The following CCDC93 variants were observed in gnomAD, a reference collection of about 807,000 sequenced individuals.
CCDC93 encodes CCC complex scaffolding subunit CCDC93, also known as coiled-coil domain-containing protein 93.
In CCDC93, 61 loss-of-function variants were observed where a neutral mutation model predicts 108.2. That is an observed-to-expected ratio of 0.56 (90% CI 0.46 to 0.70). The LOEUF (loss-of-function observed/expected upper bound fraction) is 0.70, where lower values mean the gene tolerates loss of function less well. CCDC93 is among the 30% of genes least tolerant of loss of function. The pLI, the probability that CCDC93 is intolerant of heterozygous loss-of-function variation, is 0.00. For missense variants in CCDC93, 685 were observed against 764.2 expected, an observed-to-expected ratio of 0.90 and a Z score of 1.22; for synonymous variants, 276 against 260.4, an observed-to-expected ratio of 1.06 and a Z score of -0.58.
intron 7 of CCDC93, among the ~76,000 whole-genome samples, chr2:117,978,986 T>A (rs1300858998): frequency 1.3e-5 from 2 of 152,136 alleles, no homozygotes; most frequent in African/African-American, 4.8e-5. Flanking sequence ...CCAGCCTGGG[T>A]GACAGAGCAA....
intron 1 of CCDC93, among the ~76,000 whole-genome samples, chr2:118,011,986 C>T (rs1269103603): frequency 1.3e-5 from 2 of 152,228 alleles, no homozygotes; most frequent in Admixed American, 6.5e-5. Context: ...GTTGTTGAAG[C>T]TAAATTTCTG....
At chr2:117,985,206 C>T (rs541027696) in intron 7 of CCDC93, among the ~76,000 whole-genome samples, 1 of 151,568 alleles carries the variant, frequency 6.6e-6, no homozygotes, top group South Asian at 2.1e-4. Context: ...AATAATTAAA[C>T]CTAATTTCCT....
At chr2:117,990,717 A>G (rs1284145724) in intron 6 of CCDC93, among the ~76,000 whole-genome samples, 1 of 152,170 alleles carries the variant, frequency 6.6e-6, no homozygotes, top group Non-Finnish European at 1.5e-5. Context: ...AATGCTATGG[A>G]GGTATCTTTA....
intron 8 of CCDC93, 52 bp from the exon 9 acceptor site, chr2:117,975,332 G>T: frequency 7.7e-7 from 1 of 1,303,364 alleles, no homozygotes; most frequent in Non-Finnish European, 1.1e-6. Context: ...AGACTCAGTA[G>T]AGAAAGGACA....
rs1473961820 is a variant in CCDC93 at position 118,008,848 on chromosome 2, G to T, written c.43-190C>A. ...GGACAGTGTTGTTGGAGTCACAAAT[G>T]GGTCCGCGGTCCTCAACGGGCTGTT... is the stretch of plus-strand genomic sequence containing the variant. On this transcript the variant is annotated intron_variant, in intron 1 of 23. Transcript: ENST00000376300. The T allele has an allele frequency of 7.1e-6, 4 of 564,978 alleles. No homozygotes were observed. In the Admixed American group the frequency reaches 1.3e-4, roughly 19 times the overall value. The allele number at this position is 564,978 out of a possible 1,614,324, so 35.0% of individuals were successfully genotyped here. A position where few individuals can be genotyped will look rare whatever the true frequency, so the allele number is the denominator to read the frequency against.
In CCDC93 at chr2:117,958,373, G is replaced by T; in HGVS notation, c.997C>A (p.Leu333Ile). The T allele has an allele frequency of 6.3e-7, 1 of 1,592,250 alleles. No individual in the cohort carries two copies. Among genetic ancestry groups the T allele is most frequent in the Non-Finnish European group, 8.6e-7 (1 of 1,160,012 alleles). The stretch of plus-strand genomic sequence containing the variant: ...GAAAAGAAAACACTGACCTCTTCAA[G>T]ATGTTTGGTCTTTTGCGCAATCTGT... Reference protein sequence around the residue: ...NKQIAQKTKHLEELRASHTSL... With the variant: ...NKQIAQKTKHIEELRASHTSL... Residue 333 changes from leucine (L) to isoleucine (I), a missense_variant, in exon 12 of 24, where the codon CTT becomes ATT. Leu to Ile is a conservative substitution (Grantham distance 5, BLOSUM62 2). Transcript: ENST00000376300.
chr2:117,984,132 T>G (rs1680243472), intron 7 of CCDC93, among the ~76,000 whole-genome samples: 1 of 151,986 alleles, frequency 6.6e-6, no homozygotes, highest in Non-Finnish European at 1.5e-5. Context: ...ATGTCCTAAG[T>G]ACCCACTACT....
chr2:117,924,387 A>T (rs558422842), intron 23 of CCDC93, among the ~76,000 whole-genome samples: 5 of 152,348 alleles, frequency 3.3e-5, no homozygotes, highest in African/African-American at 4.8e-5. Context: ...TTGAAAAAAA[A>T]TTAGACAAAT....
intron 3 of CCDC93, among the ~76,000 whole-genome samples, chr2:118,003,890 C>G (rs1191569825): frequency 6.6e-6 from 1 of 152,146 alleles, no homozygotes; most frequent in African/African-American, 2.4e-5. Flanking sequence ...CCCCTTTCAG[C>G]TTCTACCTGC....
At chr2:117,999,016 G>C (rs1182080085) in intron 4 of CCDC93, 2 of 152,236 alleles carry the variant, frequency 1.3e-5, no homozygotes, top group African/African-American at 4.8e-5. Flanking sequence ...AACAAACTAT[G>C]TAACACTTAG....
At chr2:117,930,481 G>C (rs184218852) in intron 23 of CCDC93, among the ~76,000 whole-genome samples, 1 of 152,314 alleles carries the variant, frequency 6.6e-6, no homozygotes, top group East Asian at 1.9e-4. Context: ...TGGGTGTTAG[G>C]AGGTGCCAGG....
intron 12 of CCDC93, among the ~76,000 whole-genome samples, chr2:117,954,196 C>T (rs1679148715): frequency 6.6e-6 from 1 of 152,198 alleles, no homozygotes; most frequent in African/African-American, 2.4e-5. Context: ...GACATTTACC[C>T]AATGCTCTGC....
chr2:117,923,567 G>T (rs983450927), intron 23 of CCDC93, among the ~76,000 whole-genome samples: 8 of 152,176 alleles, frequency 5.3e-5, no homozygotes, highest in South Asian at 4.1e-4. Flanking sequence ...GAGGCTGGGG[G>T]AGGGGCACCC....
chr2:117,997,944 G>C (rs551527690), intron 4 of CCDC93: 26 of 152,326 alleles, frequency 1.7e-4, no homozygotes, highest in African/African-American at 6.0e-4. Context: ...GTTACAGCCT[G>C]GCTGGATCCT....
At chr2:117,949,922 G>A in intron 13 of CCDC93, 1 of 985,382 alleles carries the variant, frequency 1.0e-6, no homozygotes, top group Non-Finnish European at 1.2e-6. Flanking sequence ...AGGAAGGACT[G>A]GTGTGCAGTG....
At chr2:117,959,597 A>G (rs892082435) in intron 11 of CCDC93, among the ~76,000 whole-genome samples, 4 of 152,244 alleles carry the variant, frequency 2.6e-5, no homozygotes, top group Non-Finnish European at 4.4e-5. Context: ...TGAATAATTC[A>G]GCAGGTATTA....
intron 21 of CCDC93, chr2:117,936,440 G>A (rs1678528016): frequency 2.5e-6 from 1 of 401,956 alleles, no homozygotes; most frequent in African/African-American, 2.0e-5. Flanking sequence ...AGAGATTTTA[G>A]TAGGTGGGTA....
intron 7 of CCDC93, among the ~76,000 whole-genome samples, chr2:117,978,667 A>C (rs1680017828): frequency 6.6e-6 from 1 of 152,234 alleles, no homozygotes; most frequent in East Asian, 1.9e-4. Context: ...TACACCTTTA[A>C]GTGATTTGTA....
chr2:117,985,575 T>G (rs1680293604), intron 7 of CCDC93: 1 of 176,086 alleles, frequency 5.7e-6, no homozygotes, highest in Non-Finnish European at 1.1e-5. Flanking sequence ...AAACTACTTC[T>G]AAGTTCTTCA....
Sources: allele counts gnomAD v4.1 joint callset (sites outside exome capture counted in the v4.1 genomes callset), GRCh38; gene constraint gnomAD v4.1.1; transcripts MANE v1.5; gene names NCBI Gene and HGNC (gene_info 2026-07-23, HGNC 2026-07-21).